PAGE2B: variants seen among roughly 807,000 people sequenced by gnomAD.
The protein encoded by PAGE2B is PAGE family member 2B, also known as putative G antigen family E member 3.
Under a neutral mutation model 7.6 loss-of-function variants are expected in PAGE2B, and 5 were observed. The ratio of observed to expected loss-of-function variants is 0.66; its 90% confidence interval spans 0.34 to 1.38. The LOEUF is 1.38. PAGE2B is among the 40% of genes most tolerant of loss of function. The pLI is 0.04. For synonymous variants in PAGE2B, 29 were observed against 26.7 expected (o/e 1.09, Z -0.27); for missense variants, 70 against 78.4 (o/e 0.89, Z 0.41).
At chrX:55,058,932 T>TTA in the PAGE2B span, among the ~76,000 whole-genome samples, 1 of 110,559 alleles carries the variant, frequency 9.0e-6, no homozygotes, top group Non-Finnish European at 1.9e-5. Flanking sequence ...AAAAGGACCA[T>TTA]TATATATATA....
At chrX:55,056,989 T>C in the PAGE2B span, among the ~76,000 whole-genome samples, 2 of 111,668 alleles carry the variant, frequency 1.8e-5, no homozygotes, top group South Asian at 3.8e-4. Flanking sequence ...TACTCGCATA[T>C]GGCTGAATTG....
At chrX:55,066,591 TTAAA>T in the PAGE2B span, among the ~76,000 whole-genome samples, 1 of 111,792 alleles carries the variant, frequency 8.9e-6, no homozygotes, top group South Asian at 3.7e-4. Flanking sequence ...CTTCAGCGCT[TTAAA>T]TATATCATGC....
At chrX:55,073,597 A>G (rs1193155786), upstream of PAGE2B, among the ~76,000 whole-genome samples, 1 of 111,988 alleles carries the variant, frequency 8.9e-6, no homozygotes, top group Non-Finnish European at 1.9e-5. Flanking sequence ...TAATAGCAAC[A>G]TCACTGAATC....
chrX:55,054,624 A>C, the PAGE2B span, among the ~76,000 whole-genome samples: 6 of 112,683 alleles, frequency 5.3e-5, no homozygotes, highest in Non-Finnish European at 9.4e-5. Context: ...GATATTTTAC[A>C]ACATAAACTT....
the PAGE2B span, among the ~76,000 whole-genome samples, chrX:55,035,825 A>G: frequency 8.9e-6 from 1 of 112,187 alleles, no homozygotes; most frequent in South Asian, 3.7e-4. Context: ...AGTTTTTTCC[A>G]ATTCTGTGAA....
the PAGE2B span, chrX:55,044,884 A>G: frequency 8.9e-6 from 1 of 112,088 alleles, no homozygotes; most frequent in African/African-American, 3.2e-5. Flanking sequence ...CATAGATGAC[A>G]CTCAAAGGGC....
chrX:55,062,410 T>C, the PAGE2B span, among the ~76,000 whole-genome samples: 1 of 112,113 alleles, frequency 8.9e-6, no homozygotes, highest in Non-Finnish European at 1.9e-5. Flanking sequence ...TTGAGAAATG[T>C]CCATTCAGGT....
At chrX:55,069,760 T>C in the PAGE2B span, among the ~76,000 whole-genome samples, 1 of 111,455 alleles carries the variant, frequency 9.0e-6, no homozygotes, top group African/African-American at 3.3e-5. Flanking sequence ...CTCTTCCTGG[T>C]TTAGTCTTGG....
At chrX:55,042,572 T>A in the PAGE2B span, among the ~76,000 whole-genome samples, 1 of 89,081 alleles carries the variant, frequency 1.1e-5, no homozygotes, top group Non-Finnish European at 2.1e-5. Flanking sequence ...GAGAATGGTG[T>A]GAACCCAGGA....
At chrX:55,064,805 C>T in the PAGE2B span, among the ~76,000 whole-genome samples, 1 of 111,180 alleles carries the variant, frequency 9.0e-6, no homozygotes, top group Non-Finnish European at 1.9e-5. Flanking sequence ...CTTCATTGAC[C>T]CACTGGTCAT....
chrX:55,033,365 C>A, the PAGE2B span, among the ~76,000 whole-genome samples: 1 of 111,343 alleles, frequency 9.0e-6, no homozygotes, highest in African/African-American at 3.3e-5. Context: ...TATTCCTGGT[C>A]CAGCTGAGCC....
the PAGE2B span, among the ~76,000 whole-genome samples, chrX:55,050,471 G>A: frequency 9.2e-5 from 10 of 109,167 alleles, no homozygotes; most frequent in Non-Finnish European, 1.9e-4. Context: ...CTCAGGACTT[G>A]CTTTATGAAT....
At chrX:55,037,045 A>G in the PAGE2B span, among the ~76,000 whole-genome samples, 1 of 111,725 alleles carries the variant, frequency 9.0e-6, no homozygotes, top group Admixed American at 9.5e-5. Context: ...GCCAAAACAG[A>G]CAAATGGGAT....
At chrX:55,060,745 T>A in the PAGE2B span, among the ~76,000 whole-genome samples, 57 of 111,395 alleles carry the variant, frequency 5.1e-4, 1 homozygote, top group East Asian at 0.016. Flanking sequence ...ACTTTTACAG[T>A]TTTAGGTCTT....
the PAGE2B span, among the ~76,000 whole-genome samples, chrX:55,068,670 A>G: frequency 0.078 from 8,749 of 111,605 alleles, 791 homozygotes; most frequent in African/African-American, 0.26. Context: ...CTATCCATGA[A>G]CATGGAATGT....
chrX:55,028,720 A>T, the PAGE2B span, among the ~76,000 whole-genome samples: 1 of 111,771 alleles, frequency 8.9e-6, no homozygotes, highest in African/African-American at 3.3e-5. Flanking sequence ...CTGCCTGGCC[A>T]TCATTATACC....
chrX:55,064,079 G>A, the PAGE2B span, among the ~76,000 whole-genome samples: 1 of 111,371 alleles, frequency 9.0e-6, no homozygotes, highest in African/African-American at 3.3e-5. Flanking sequence ...TGTAGAATGA[G>A]TTTAGAAGTA....
chrX:55,071,773 T>C (rs1256575022), upstream of PAGE2B, among the ~76,000 whole-genome samples: 1 of 112,039 alleles, frequency 8.9e-6, no homozygotes, highest in Non-Finnish European at 1.9e-5. Flanking sequence ...TCTCTAACCT[T>C]GTTTTCTCGC....
At chrX:55,065,468 T>C in the PAGE2B span, among the ~76,000 whole-genome samples, 1 of 111,568 alleles carries the variant, frequency 9.0e-6, no homozygotes, top group Non-Finnish European at 1.9e-5. Context: ...CACCAGATCA[T>C]TGGGTCTTGT....
Sources: gnomAD v4.1 joint callset for allele counts (sites outside exome capture counted in the v4.1 genomes callset) on GRCh38, gnomAD v4.1.1 for gene constraint, MANE v1.5 for transcripts, NCBI Gene and HGNC (gene_info 2026-07-23, HGNC 2026-07-21) for gene names.